The following LRP1B variants were observed in gnomAD, a reference collection of about 807,000 sequenced individuals.
LRP1B encodes the protein LDL receptor related protein 1B.
LRP1B carries 217 observed loss-of-function variants against 556.6 expected under a neutral mutation model. The observed-to-expected ratio is 0.39, with a 90% CI of 0.35 to 0.44. The LOEUF is 0.44. LRP1B is among the 20% of genes least tolerant of loss of function. LRP1B has a pLI of 1.00. For missense variants in LRP1B, 5,053 were observed against 5,620.8 expected (o/e 0.90, Z 3.23); for synonymous variants, 2,047 against 1,865.8 (o/e 1.10, Z -2.50).
In LRP1B at chr2:141,363,810, AAT is replaced by A. The variant is rs1183863990; in HGVS notation, c.344-109171_344-109170del. ...TGTTAAAATGTATAGTTATTCTATA[AAT>A]ATGTTTTCTAAACAAAGATATATTC... On this transcript the variant is annotated intron_variant, in intron 3 of 90. Coordinates refer to ENST00000389484, the MANE Select transcript of LRP1B (RefSeq NM_018557.3). Among the ~76,000 whole-genome samples the A allele has an allele frequency of 4.6e-5, 7 of 152,270 alleles. No individual in the cohort carries two copies. The East Asian group carries it at 1.2e-3, about 25-fold the overall frequency.
At chr2:140,448,381 T>A (rs1250084856) in intron 63 of LRP1B, among the ~76,000 whole-genome samples, 1 of 152,110 alleles carries the variant, frequency 6.6e-6, no homozygotes, top group African/African-American at 2.4e-5. Context: ...GATGAATGAA[T>A]AAATAAAGTG....
In LRP1B at chr2:141,776,651, G is replaced by C. The variant is rs187562173; in HGVS notation, c.205+33628C>G. On this transcript the variant is annotated intron_variant, in intron 2 of 90. Transcript: ENST00000389484. ...AAAAAGAGCACTGTTTGAACTTTGG[G>C]CATCAGGATGATCATGTTCAAAATT... Among the ~76,000 whole-genome samples the C allele has an allele frequency of 2.1e-4, 32 of 152,246 alleles. 1 individual carries two copies. Among genetic ancestry groups the C allele is most frequent in the Middle Eastern group, 3.4e-3 (1 of 294 alleles).
intron 3 of LRP1B, among the ~76,000 whole-genome samples, chr2:141,434,247 T>A (rs1416877812): frequency 6.6e-6 from 1 of 152,148 alleles, no homozygotes; most frequent in African/African-American, 2.4e-5. Context: ...GTAAATGGTG[T>A]CTGACATTTC....
At chr2:141,397,271 T>C (rs1690276654) in intron 3 of LRP1B, among the ~76,000 whole-genome samples, 1 of 151,880 alleles carries the variant, frequency 6.6e-6, no homozygotes, top group Non-Finnish European at 1.5e-5. Context: ...TCCAATAAAA[T>C]TGAACTTTTC....
intron 9 of LRP1B, among the ~76,000 whole-genome samples, chr2:141,055,854 A>T: frequency 6.8e-6 from 1 of 146,858 alleles, no homozygotes; most frequent in African/African-American, 2.5e-5. Context: ...CAAATGGTGG[A>T]GGCTGAGTAT....
chr2:141,437,892 GT>G (rs1270165141), intron 3 of LRP1B, among the ~76,000 whole-genome samples: 1 of 152,028 alleles, frequency 6.6e-6, no homozygotes, highest in Non-Finnish European at 1.5e-5. Context: ...CCTACTTGGA[GT>G]TTACATGTGT....
At chr2:141,405,750 T>C (rs1393359233) in intron 3 of LRP1B, among the ~76,000 whole-genome samples, 2 of 152,178 alleles carry the variant, frequency 1.3e-5, no homozygotes, top group South Asian at 2.1e-4. Context: ...TATCTTGTTA[T>C]TTTTGGTTAT....
At chr2:141,854,987 A>G (rs1365753291) in intron 1 of LRP1B, among the ~76,000 whole-genome samples, 1 of 152,120 alleles carries the variant, frequency 6.6e-6, no homozygotes, top group African/African-American at 2.4e-5. Context: ...GTATGTAGTA[A>G]GTAATATAAC....
At chr2:140,638,553 T>C (rs1298983110) in intron 41 of LRP1B, among the ~76,000 whole-genome samples, 1 of 152,180 alleles carries the variant, frequency 6.6e-6, no homozygotes, top group African/African-American at 2.4e-5. Flanking sequence ...ACTTCAAAGA[T>C]AGTCCATGTC....
chr2:140,661,290 C>A (rs962008766), intron 41 of LRP1B, among the ~76,000 whole-genome samples: 1 of 151,980 alleles, frequency 6.6e-6, no homozygotes, highest in Non-Finnish European at 1.5e-5. Flanking sequence ...GAAATTTCAA[C>A]TAGAGTACTG....
At chr2:140,500,076 G>T (rs1271544629) in intron 55 of LRP1B, among the ~76,000 whole-genome samples, 3 of 151,902 alleles carry the variant, frequency 2.0e-5, no homozygotes, top group Non-Finnish European at 4.4e-5. Context: ...CTCATTAAAA[G>T]ATGTACTGGC....
intron 41 of LRP1B, among the ~76,000 whole-genome samples, chr2:140,693,995 A>G (rs1686336156): frequency 6.6e-6 from 1 of 152,234 alleles, no homozygotes; most frequent in East Asian, 1.9e-4. Context: ...GGCATGAGCC[A>G]CCGCTCCAGG....
chr2:140,653,112 AT>A (rs1041544103), intron 41 of LRP1B, among the ~76,000 whole-genome samples: 24 of 152,156 alleles, frequency 1.6e-4, no homozygotes, highest in African/African-American at 5.8e-4. Flanking sequence ...ATTTAACATT[AT>A]AAAACAAACA....
intron 15 of LRP1B, among the ~76,000 whole-genome samples, chr2:141,001,514 C>T (rs920246416): frequency 6.6e-6 from 1 of 152,078 alleles, no homozygotes; most frequent in African/African-American, 2.4e-5. Context: ...GTTCCCCACC[C>T]TGTGTCCAAG....
intron 37 of LRP1B, among the ~76,000 whole-genome samples, chr2:140,715,758 T>C (rs1687188277): frequency 6.6e-6 from 1 of 152,106 alleles, no homozygotes; most frequent in African/African-American, 2.4e-5. Context: ...TTTATTTGGA[T>C]TTACACACAC....
At chr2:140,889,104 A>T (rs1482936581) in intron 23 of LRP1B, among the ~76,000 whole-genome samples, 1 of 152,212 alleles carries the variant, frequency 6.6e-6, no homozygotes, top group Non-Finnish European at 1.5e-5. Flanking sequence ...TACTCAAGTT[A>T]TCTACATAGA....
intron 2 of LRP1B, among the ~76,000 whole-genome samples, chr2:141,729,400 T>C (rs759906389): frequency 6.6e-6 from 1 of 152,088 alleles, no homozygotes; most frequent in Non-Finnish European, 1.5e-5. Flanking sequence ...TGAAGAAGGG[T>C]CTTAGCAGGC....
intron 3 of LRP1B, among the ~76,000 whole-genome samples, chr2:141,471,268 A>ATGTTTT (rs1553518973): frequency 0.011 from 359 of 31,714 alleles, no homozygotes; most frequent in East Asian, 0.052. Flanking sequence ...ATACCCTGGT[A>ATGTTTT]TTTTTTTTTT....
At chr2:140,502,387 C>T (rs1689237511) in intron 54 of LRP1B, among the ~76,000 whole-genome samples, 1 of 151,886 alleles carries the variant, frequency 6.6e-6, no homozygotes, top group South Asian at 2.1e-4. Context: ...TGGAAAATAG[C>T]TGGATGACTT....
Sources: allele counts gnomAD v4.1 joint callset (sites outside exome capture counted in the v4.1 genomes callset), GRCh38; gene constraint gnomAD v4.1.1; transcripts MANE v1.5; gene names NCBI Gene and HGNC (gene_info 2026-07-23, HGNC 2026-07-21).